AP4E1: variants seen among roughly 807,000 people sequenced by gnomAD.
AP4E1 encodes AP-4 complex subunit epsilon-1.
AP4E1 carries 56 observed loss-of-function variants against 128.2 expected under a neutral mutation model. The observed-to-expected ratio is 0.44, with a 90% CI of 0.35 to 0.55. The LOEUF is 0.55. Among genes scored for constraint, AP4E1 ranks in the 20% least tolerant of loss-of-function variants. AP4E1 has a pLI of 0.00. For synonymous variants in AP4E1, 484 were observed against 473.1 expected (o/e 1.02, Z -0.30); for missense variants, 1,324 against 1,307.7 (o/e 1.01, Z -0.19).
At chr15:50,949,707 G>A (rs2064117876) in intron 11 of AP4E1, 119 bp from the exon 12 acceptor site, 1 of 771,400 alleles carries the variant, frequency 1.3e-6, no homozygotes. Context: ...TATGGCAGAG[G>A]TTAAAGGTAA....
intron 19 of AP4E1, among the ~76,000 whole-genome samples, chr15:51,000,587 G>A (rs1233898162): frequency 6.6e-6 from 1 of 152,150 alleles, no homozygotes; most frequent in Non-Finnish European, 1.5e-5. Flanking sequence ...TTTAAAAAAT[G>A]TGTTTGTTAA....
At chr15:50,920,815 T>C (rs2063693165) in intron 3 of AP4E1, among the ~76,000 whole-genome samples, 1 of 152,264 alleles carries the variant, frequency 6.6e-6, no homozygotes, top group African/African-American at 2.4e-5. Flanking sequence ...TATCTTCTTC[T>C]GAGATGGAGT....
At chr15:50,928,763 A>G (rs1406741980) in intron 5 of AP4E1, among the ~76,000 whole-genome samples, 1 of 151,576 alleles carries the variant, frequency 6.6e-6, no homozygotes, top group East Asian at 1.9e-4. Context: ...TACAAAAAAA[A>G]ATTCCCTAAC....
Position 51,004,759 on chromosome 15 carries a change from A to T in AP4E1, c.*2097A>T, listed in dbSNP as rs2065001433. The T allele has an allele frequency of 6.6e-6, 1 of 152,658 alleles. No individual in the cohort carries two copies. Among genetic ancestry groups the T allele is most frequent in the African/African-American group, 2.4e-5 (1 of 41,464 alleles). The allele number at this position is 152,658 out of a possible 1,614,324, so 9.5% of individuals were successfully genotyped here. A position where few individuals can be genotyped will look rare whatever the true frequency, so the allele number is the denominator to read the frequency against. ...TGATTTTAAAAACAAACAATAATAG[A>T]AAAACAGATTTTAAGGAACTTCAGA... On this transcript the variant is annotated 3_prime_UTR_variant, in exon 21 of 21. Coordinates refer to ENST00000261842, the MANE Select transcript of AP4E1 (RefSeq NM_007347.5).
intron 7 of AP4E1, among the ~76,000 whole-genome samples, chr15:50,933,142 A>G (rs2063856843): frequency 6.6e-6 from 1 of 152,172 alleles, no homozygotes; most frequent in South Asian, 2.1e-4. Flanking sequence ...GCTAGTCCTT[A>G]CCTTCACAGC....
At chr15:50,974,387 T>C (rs918364770) in intron 15 of AP4E1, among the ~76,000 whole-genome samples, 3 of 151,656 alleles carry the variant, frequency 2.0e-5, no homozygotes, top group Non-Finnish European at 4.4e-5. Flanking sequence ...CTGCCTCAGC[T>C]TCCTGAGTAT....
At chr15:50,931,037 A>T in intron 7 of AP4E1, 66 bp downstream of exon 7, 1 of 1,573,050 alleles carries the variant, frequency 6.4e-7, no homozygotes, top group East Asian at 2.2e-5. Flanking sequence ...GACTTTAGTA[A>T]CCTAGAGGTT....
At chr15:50,963,778 C>T (rs897083823) in intron 14 of AP4E1, among the ~76,000 whole-genome samples, 2 of 152,190 alleles carry the variant, frequency 1.3e-5, no homozygotes, top group Non-Finnish European at 2.9e-5. Flanking sequence ...CTCTGATTTA[C>T]GTATTACACA....
chr15:51,001,258 C>T (rs1216692693), intron 20 of AP4E1, 75 bp downstream of exon 20: 1 of 1,379,782 alleles, frequency 7.2e-7, no homozygotes, highest in Non-Finnish European at 1.0e-6. Context: ...TCAACTCTTA[C>T]AAGTATCAGA....
chr15:50,970,273 A>G (rs1304571186), intron 15 of AP4E1, among the ~76,000 whole-genome samples: 1 of 152,144 alleles, frequency 6.6e-6, no homozygotes. Flanking sequence ...ACAGGATTTC[A>G]TTTGTTTTTA....
At chr15:50,964,429 T>G (rs542110150) in intron 14 of AP4E1, among the ~76,000 whole-genome samples, 2 of 152,294 alleles carry the variant, frequency 1.3e-5, no homozygotes, top group Non-Finnish European at 2.9e-5. Context: ...CTTTTGAGTT[T>G]CCTTAAGATC....
chr15:50,918,519 A>G (rs965298651), intron 3 of AP4E1, among the ~76,000 whole-genome samples: 1 of 152,102 alleles, frequency 6.6e-6, no homozygotes, highest in Non-Finnish European at 1.5e-5. Flanking sequence ...TGCTTCTTAG[A>G]CTTACATATA....
At chr15:50,937,560 C>G (rs1389654884) in intron 8 of AP4E1, among the ~76,000 whole-genome samples, 1 of 152,044 alleles carries the variant, frequency 6.6e-6, no homozygotes, top group Non-Finnish European at 1.5e-5. Context: ...AAGCTTAATA[C>G]CAGTGTAAGG....
intron 4 of AP4E1, among the ~76,000 whole-genome samples, chr15:50,924,612 A>C (rs1182374157): frequency 6.6e-6 from 1 of 152,166 alleles, no homozygotes; most frequent in Non-Finnish European, 1.5e-5. Context: ...GGTTACTAGT[A>C]GCTTAAATTT....
intron 5 of AP4E1, among the ~76,000 whole-genome samples, chr15:50,927,555 C>T (rs1449658278): frequency 1.3e-5 from 2 of 149,432 alleles, no homozygotes; most frequent in African/African-American, 4.9e-5. Flanking sequence ...TACCTATTCT[C>T]CCCCAGAATT....
intron 17 of AP4E1, among the ~76,000 whole-genome samples, chr15:50,995,369 AT>A (rs2064854098): frequency 7.5e-6 from 1 of 133,582 alleles, no homozygotes; most frequent in African/African-American, 2.7e-5. Flanking sequence ...AAGGTTTATT[AT>A]TTTTTTCACC....
In AP4E1 at chr15:50,909,585, T is replaced by A. The variant is rs28498985; in HGVS notation, c.150+657T>A. On this transcript the variant is annotated intron_variant, in intron 1 of 20. Coordinates refer to ENST00000261842, the MANE Select transcript of AP4E1 (RefSeq NM_007347.5). ...TATAAAAATTCTTAAACTTTTAAAA[T>A]TTTTAAATTTTTATTGACGGAGTCT... Among the ~76,000 whole-genome samples the A allele has an allele frequency of 5.0e-3, 762 of 152,370 alleles. 11 individuals are homozygous for A. Among genetic ancestry groups the A allele is most frequent in the African/African-American group, 0.018 (737 of 41,578 alleles).
At position 51,002,792 on chromosome 15, in the gene AP4E1, T is replaced by G. The variant is rs1216582055; in HGVS notation, c.*130T>G. ...TTATTACAAGTGTGGTTTATATGTT[T>G]TCTTTGTGATTCCTGGTCAAGAAAG... On this transcript the variant is annotated 3_prime_UTR_variant, in exon 21 of 21. Coordinates refer to ENST00000261842, the MANE Select transcript of AP4E1 (RefSeq NM_007347.5). 1.4e-5 allele frequency: 16 copies of G among 1,168,558 alleles called. No homozygotes were observed. Among genetic ancestry groups the G allele is most frequent in the Non-Finnish European group, 1.7e-5 (14 of 815,984 alleles). The allele number at this position is 1,168,558 out of a possible 1,614,324, so 72.4% of individuals were successfully genotyped here. A position where few individuals can be genotyped will look rare whatever the true frequency, so the allele number is the denominator to read the frequency against.
chr15:50,997,783 G>A lies in AP4E1; in HGVS notation c.2804G>A (p.Trp935Ter), dbSNP rs2064899680. ...ETISVSSYKIWKDDCLLMVWS... is the reference protein window; with the variant it reads ...ETISVSSYKI ...ATATCAGTGTCTTCTTATAAAATTT[G>A]GAAAGATGATTGTTTATTGATGGTC... The change falls in exon 18 of 21, where the codon TGG (tryptophan) becomes TAG (stop). Residue 935 changes from tryptophan to a stop codon, truncating the protein, a stop_gained. Transcript: ENST00000261842. LOFTEE classifies it high-confidence loss of function. 1 of 1,609,690 alleles carries A rather than the reference G, an allele frequency of 6.2e-7. No homozygotes were observed. The highest frequency in any genetic ancestry group is 1.3e-5 in the African/African-American group (1 of 74,656).
Sources: gnomAD v4.1 joint callset for allele counts (sites outside exome capture counted in the v4.1 genomes callset) on GRCh38, gnomAD v4.1.1 for gene constraint, MANE v1.5 for transcripts, NCBI Gene and HGNC (gene_info 2026-07-23, HGNC 2026-07-21) for gene names.